The following MACF1 variants were observed in gnomAD, a reference collection of about 807,000 sequenced individuals.
MACF1 encodes microtubule actin crosslinking factor 1, also known as microtubule-actin cross-linking factor 1.
In MACF1, 193 loss-of-function variants were observed where a neutral mutation model predicts 854.8. The observed-to-expected ratio is 0.23, with a 90% CI of 0.20 to 0.25. The LOEUF (loss-of-function observed/expected upper bound fraction) is 0.25. Among genes scored for constraint, MACF1 ranks in the 10% least tolerant of loss-of-function variants. The pLI is 1.00. For missense variants in MACF1, 7,722 were observed against 8,929.1 expected (o/e 0.86, Z 5.45); for synonymous variants, 3,185 against 3,226.7 (o/e 0.99, Z 0.44).
At chr1:39,228,429 G>A (rs898138542) in intron 1 of MACF1, among the ~76,000 whole-genome samples, 6 of 152,198 alleles carry the variant, frequency 3.9e-5, no homozygotes, top group African/African-American at 1.4e-4. Context: ...TATGAGCAAA[G>A]AGTCAGTGAT....
intron 2 of MACF1, among the ~76,000 whole-genome samples, chr1:39,195,631 A>C (rs963147504): frequency 1.1e-4 from 17 of 152,332 alleles, no homozygotes; most frequent in African/African-American, 3.6e-4. Flanking sequence ...CTGTGGAAGT[A>C]CTGGCTTTAA....
intron 6 of MACF1, among the ~76,000 whole-genome samples, chr1:39,272,911 C>T (rs1243291385): frequency 1.3e-5 from 2 of 152,162 alleles, no homozygotes; most frequent in Admixed American, 6.5e-5. Context: ...ATAGCAATCG[C>T]TCTTTGATGT....
intron 31 of MACF1, among the ~76,000 whole-genome samples, chr1:39,321,668 T>C (rs1646517893): frequency 6.6e-6 from 1 of 152,214 alleles, no homozygotes. Flanking sequence ...TGTTGTGGCT[T>C]TATCTTCTAT....
At chr1:39,165,111 G>C (rs1643869700) in intron 2 of MACF1, among the ~76,000 whole-genome samples, 1 of 152,130 alleles carries the variant, frequency 6.6e-6, no homozygotes, top group African/African-American at 2.4e-5. Flanking sequence ...TGTGTGTAGG[G>C]GGCCAATAAG....
Position 39,332,051 on chromosome 1 carries a change from G to C in MACF1, c.5463G>C (p.Arg1821Ser). 6.2e-7 allele frequency: 1 copy of C among 1,614,070 alleles called. No individual in the cohort carries two copies. The change falls in exon 37 of 101, where the codon AGG becomes AGC. Residue 1821 changes from arginine to serine, a missense_variant. By Grantham distance (110) the Arg-to-Ser change is moderately radical. Coordinates refer to ENST00000564288, the MANE Select transcript of MACF1 (RefSeq NM_001394062.1). ...GGIIDTVTGQ[R>S]LTIDEAVSND... Reference sequence around the variant, plus strand: ...TCATAGACACTGTCACGGGGCAAAGGCTAACAATAGATGAAGCAGTGAGCA... The same window carrying C: ...TCATAGACACTGTCACGGGGCAAAGCCTAACAATAGATGAAGCAGTGAGCA...
intron 2 of MACF1, among the ~76,000 whole-genome samples, chr1:39,145,509 A>T (rs1372103779): frequency 4.1e-5 from 6 of 145,548 alleles, no homozygotes; most frequent in African/African-American, 1.6e-4. Flanking sequence ...CTTCAGACTA[A>T]CTCTCTGTGC....
chr1:39,351,861 T>C (rs1457112744), intron 43 of MACF1, among the ~76,000 whole-genome samples: 1 of 152,146 alleles, frequency 6.6e-6, no homozygotes, highest in East Asian at 1.9e-4. Context: ...GTGCTGGGAT[T>C]ACAGGTGTGA....
chr1:39,414,064 C>T (rs1643171438), intron 58 of MACF1: 2 of 1,603,514 alleles, frequency 1.2e-6, no homozygotes, highest in Non-Finnish European at 1.7e-6. Flanking sequence ...CCCAGAGGAA[C>T]TCAGTTCCCC....
rs145437005 is a variant in MACF1, at chr1:39,268,602, A to C, written c.528+10574A>C. 3,559 of 1,190,670 alleles carry C rather than the reference A, an allele frequency of 3.0e-3. 6 individuals carry two copies. The highest frequency in any genetic ancestry group is 3.5e-3 in the Non-Finnish European group (3,259 of 942,494). The allele number at this position is 1,190,670 out of a possible 1,614,324, so 73.8% of individuals were successfully genotyped here. On this transcript the variant is annotated intron_variant, in intron 6 of 100. Transcript: ENST00000564288. ...ATTGCCGGCATAGTGCATGTTTTTA[A>C]ATGTGCATCGAATCCGATGAGGCCA...
At position 39,451,094 on chromosome 1, in the gene MACF1, C is replaced by G. The variant is rs1331529039; in HGVS notation, c.20301C>G (p.Phe6767Leu). ...AAGCCCTGCTCTTTTCGGGTCAGTT[C>G]ATGGATGCTTTGCAGGCATTGGTTG... ...LEEALLFSGQ[F>L]MDALQALVDW... is the part of the protein sequence containing the mutation. Residue 6767 changes from phenylalanine (F) to leucine (L), a missense_variant, in exon 85 of 101, where the codon TTC becomes TTG. By Grantham distance (22) the Phe-to-Leu change is conservative. Coordinates refer to ENST00000564288, the MANE Select transcript of MACF1 (RefSeq NM_001394062.1). 2 of 1,614,062 alleles carry G rather than the reference C, an allele frequency of 1.2e-6. No individual in the cohort carries two copies. Among genetic ancestry groups the G allele is most frequent in the Non-Finnish European group, 8.5e-7 (1 of 1,180,034 alleles).
rs759284266 is a variant in MACF1, at chr1:39,387,524, A to G, written c.14682A>G (p.Arg4894=). ...AGCTTAGTAAAAAAACTGCAGACAGACAATCCAGGCTCAAGGATTGTATGC... is the reference window on the plus strand; with the variant it reads ...AGCTTAGTAAAAAAACTGCAGACAGGCAATCCAGGCTCAAGGATTGTATGC... ...WEELSKKTAD[R]QSRLKDCMQK... is the part of the protein sequence containing the mutation. Residue 4894 remains arginine (R), a synonymous_variant, in exon 58 of 101, where the codon AGA becomes AGG. Transcript: ENST00000564288. 12 of 1,614,080 alleles carry G rather than the reference A, an allele frequency of 7.4e-6. No individual in the cohort carries two copies. In the African/African-American group the frequency reaches 1.3e-4, roughly 18 times the overall value.
intron 23 of MACF1, among the ~76,000 whole-genome samples, chr1:39,309,082 G>A (rs1160711967): frequency 6.6e-6 from 1 of 152,096 alleles, no homozygotes; most frequent in Non-Finnish European, 1.5e-5. Flanking sequence ...AATTCTGGAT[G>A]GGATGTTGTT....
chr1:39,089,719 T>TA (rs34902128), intron 2 of MACF1, among the ~76,000 whole-genome samples: 14,554 of 151,998 alleles, frequency 0.096, 905 homozygotes, highest in Non-Finnish European at 0.13. Flanking sequence ...ATTCATTCAA[T>TA]AAAAAAAATG....
In MACF1 at chr1:39,340,799, C is replaced by T. The variant is rs1261156653; in HGVS notation, c.10432-5C>T. ...TCATAATGTGATTTTCCATTTATTTCTTAGACTAAAGTGTTAAATCAGCAC... is the reference window on the plus strand; with the variant it reads ...TCATAATGTGATTTTCCATTTATTTTTTAGACTAAAGTGTTAAATCAGCAC... On this transcript the variant is annotated splice_polypyrimidine_tract_variant and splice_region_variant and intron_variant, in intron 39 of 100. Transcript: ENST00000564288. 5.8e-5 allele frequency: 93 copies of T among 1,612,176 alleles called. No individual in the cohort carries two copies. The highest frequency in any genetic ancestry group is 7.5e-5 in the Non-Finnish European group (89 of 1,179,448).
intron 2 of MACF1, among the ~76,000 whole-genome samples, chr1:39,137,718 G>A (rs1643214139): frequency 6.6e-6 from 1 of 152,068 alleles, no homozygotes; most frequent in Non-Finnish European, 1.5e-5. Flanking sequence ...AGCAAGTAAG[G>A]ATTGCTCAAT....
At position 39,283,378 on chromosome 1, in the gene MACF1, AC is replaced by A. The variant is rs1258008733; in HGVS notation, c.809-30del. On this transcript the variant is annotated intron_variant, in intron 8 of 100. Transcript: ENST00000564288. This position sits in a 1 kb window ranked among gnomAD's most constrained non-coding sequence, Gnocchi z 4.5. ...TCTTCTGGCAAGTTCCTTTGTTCTG[AC>A]TAAGAAATTTCTTGTCCATTCTCTC... is the stretch of plus-strand genomic sequence containing the variant. 6.3e-7 allele frequency: 1 copy of A among 1,589,838 alleles called. No homozygotes were observed. The highest frequency in any genetic ancestry group is 1.3e-5 in the African/African-American group (1 of 74,384).
chr1:39,348,729 T>C (rs894657492), intron 41 of MACF1, among the ~76,000 whole-genome samples: 1 of 152,208 alleles, frequency 6.6e-6, no homozygotes, highest in Non-Finnish European at 1.5e-5. Flanking sequence ...GAACACATCA[T>C]GCTCAATTGC....
intron 96 of MACF1, 131 bp downstream of exon 96, chr1:39,468,863 A>C: frequency 1.3e-6 from 1 of 789,760 alleles, no homozygotes; most frequent in East Asian, 2.5e-5. Context: ...GTGTCATCCC[A>C]CTAGCACAGA....
chr1:39,240,935 A>G (rs1037140004), intron 2 of MACF1, among the ~76,000 whole-genome samples: 1 of 152,044 alleles, frequency 6.6e-6, no homozygotes, highest in Middle Eastern at 3.4e-3. Context: ...AGAACCTCAC[A>G]CTTTGTTCCC....
Sources: gnomAD v4.1 joint callset for allele counts (sites outside exome capture counted in the v4.1 genomes callset) on GRCh38, gnomAD v4.1.1 for gene constraint, Gnocchi (gnomAD v3.1) non-coding constraint, MANE v1.5 for transcripts, NCBI Gene and HGNC (gene_info 2026-07-23, HGNC 2026-07-21) for gene names.